TAF12: variants seen among roughly 807,000 people sequenced by gnomAD.
TAF12 encodes the protein TATA-box binding protein associated factor 12.
Under a neutral mutation model 20.8 loss-of-function variants are expected in TAF12, and 3 were observed. That is an observed-to-expected ratio of 0.14 (90% CI 0.07 to 0.37). TAF12 has a LOEUF of 0.37. Among genes scored for constraint, TAF12 ranks in the 10% least tolerant of loss-of-function variants. The probability of loss-of-function intolerance (pLI) is 1.00; values close to 1 mark genes in which losing one functional copy is unlikely to be tolerated. For missense variants in TAF12, 131 were observed against 197.9 expected, an observed-to-expected ratio of 0.66 and a Z score of 2.03; for synonymous variants, 69 against 70.2, an observed-to-expected ratio of 0.98 and a Z score of 0.09.
chr1:28,603,504 A>G lies in TAF12; in HGVS notation c.*35T>C. 6.2e-7 allele frequency: 1 copy of G among 1,612,718 alleles called. No individual in the cohort carries two copies. On this transcript the variant is annotated 3_prime_UTR_variant, in exon 6 of 6. Transcript: ENST00000373824. ...GAGTTCTCAGCTCAAGTATCTCCAAATACATTGCTGTCCATTCCCTGACCT... is the reference window on the plus strand; with the variant it reads ...GAGTTCTCAGCTCAAGTATCTCCAAGTACATTGCTGTCCATTCCCTGACCT...
chr1:28,637,305 T>C (rs1447762980), intron 1 of TAF12, among the ~76,000 whole-genome samples: 1 of 151,934 alleles, frequency 6.6e-6, no homozygotes, highest in African/African-American at 2.4e-5. Context: ...AGTGGCACGA[T>C]CTTGGTTCAC....
chr1:28,644,459 A>C (rs1053851003), upstream of TAF12, among the ~76,000 whole-genome samples: 1 of 152,198 alleles, frequency 6.6e-6, no homozygotes, highest in African/African-American at 2.4e-5. Context: ...ATGCCTATAC[A>C]TCTTTTTTAA....
At chr1:28,639,288 T>C (rs1242814503) in intron 1 of TAF12, among the ~76,000 whole-genome samples, 1 of 151,684 alleles carries the variant, frequency 6.6e-6, no homozygotes, top group African/African-American at 2.4e-5. Context: ...TGGTGGCGCA[T>C]GCCTGTAATC....
chr1:28,631,160 T>C (rs1228610784), intron 1 of TAF12, among the ~76,000 whole-genome samples: 1 of 151,690 alleles, frequency 6.6e-6, no homozygotes, highest in African/African-American at 2.4e-5. Flanking sequence ...GTGCAAAGGC[T>C]TGTGGGGGAG....
chr1:28,604,768 G>C (rs1270399156), intron 5 of TAF12, among the ~76,000 whole-genome samples: 2 of 152,196 alleles, frequency 1.3e-5, no homozygotes, highest in Non-Finnish European at 2.9e-5. Flanking sequence ...CTTAAGTTAA[G>C]ACAGAAAGGA....
chr1:28,627,665 C>CAAA lies in TAF12; in HGVS notation c.-84-5503_-84-5501dup, dbSNP rs61016146. ...CCGAGATCGCGCCACTGCACTCCCT[C>CAAA]AAAAAAAAAAAAAAAAAAAAAACTA... On this transcript the variant is annotated intron_variant, in intron 1 of 5. Transcript: ENST00000373824. 3.4e-3 allele frequency among the ~76,000 whole-genome samples: 347 copies of CAAA among 102,614 alleles called. 2 individuals are homozygous for CAAA. The highest frequency in any genetic ancestry group is 5.0e-3 in the African/African-American group (116 of 23,154). 67.3% of individuals were successfully genotyped at this position (102,614 alleles called of 152,430 possible). A position where few individuals can be genotyped will look rare whatever the true frequency, so the allele number is the denominator to read the frequency against.
chr1:28,619,479 CAG>C (rs1667139710), intron 2 of TAF12, among the ~76,000 whole-genome samples: 1 of 135,966 alleles, frequency 7.4e-6, no homozygotes, highest in Non-Finnish European at 1.6e-5. Flanking sequence ...GCCTGGGCAA[CAG>C]AGTGAGACTC....
intron 3 of TAF12, among the ~76,000 whole-genome samples, chr1:28,616,459 G>A (rs771450985): frequency 4.0e-5 from 6 of 150,348 alleles, no homozygotes; most frequent in Non-Finnish European, 5.9e-5. Context: ...ACCAGCAGGC[G>A]TGATAGCTCA....
Position 28,602,912 on chromosome 1 carries a change from T to C in TAF12, c.*627A>G, listed in dbSNP as rs1220857551. On this transcript the variant is annotated 3_prime_UTR_variant, in exon 6 of 6. Coordinates refer to ENST00000373824, the MANE Select transcript of TAF12 (RefSeq NM_005644.4). ...AGAAGGTCACCCTACTCAATTCTTATGGCCGAGAAGCTGGACTCAAACTCC... is the reference window on the plus strand; with the variant it reads ...AGAAGGTCACCCTACTCAATTCTTACGGCCGAGAAGCTGGACTCAAACTCC... 3 of 152,194 alleles carry C rather than the reference T, an allele frequency of 2.0e-5. No individual in the cohort carries two copies. Among genetic ancestry groups the C allele is most frequent in the Admixed American group, 1.3e-4 (2 of 15,270 alleles). The allele number at this position is 152,194 out of a possible 1,614,324, so 9.4% of individuals were successfully genotyped here. A position where few individuals can be genotyped will look rare whatever the true frequency, so the allele number is the denominator to read the frequency against.
chr1:28,605,304 G>A (rs1666629459), intron 5 of TAF12, 68 bp downstream of exon 5: 1 of 1,527,532 alleles, frequency 6.5e-7, no homozygotes, highest in African/African-American at 1.4e-5. Flanking sequence ...GTAGCTGTGT[G>A]TATCCACTCT....
In TAF12 at chr1:28,635,589, G is replaced by A. The variant is rs192731151; in HGVS notation, c.-85+7403C>T. Among the ~76,000 whole-genome samples, 497 of 150,050 alleles carry A rather than the reference G, an allele frequency of 3.3e-3. 2 individuals are homozygous for A. The highest frequency in any genetic ancestry group is 0.012 in the African/African-American group (475 of 40,848). On this transcript the variant is annotated intron_variant, in intron 1 of 5. Coordinates refer to ENST00000373824, the MANE Select transcript of TAF12 (RefSeq NM_005644.4). ...CAAAGTGCTGGGATTACAGGCATGA[G>A]CCACTGCACCCGGCCTATCCTCCCT...
chr1:28,623,084 T>A (rs1051112040), intron 1 of TAF12, among the ~76,000 whole-genome samples: 1 of 150,978 alleles, frequency 6.6e-6, no homozygotes, highest in Non-Finnish European at 1.5e-5. Context: ...CATGGTAGCA[T>A]GTGGTCCTAG....
intron 1 of TAF12, among the ~76,000 whole-genome samples, chr1:28,642,309 T>C (rs1439573112): frequency 6.6e-6 from 1 of 152,172 alleles, no homozygotes; most frequent in East Asian, 1.9e-4. Flanking sequence ...GGGAATACTG[T>C]GAAAAAATGG....
intron 4 of TAF12, among the ~76,000 whole-genome samples, chr1:28,606,709 TA>T (rs1269786783): frequency 6.6e-6 from 1 of 152,226 alleles, no homozygotes; most frequent in Non-Finnish European, 1.5e-5. Context: ...TTAGTTGTCT[TA>T]ATCCTAAGGC....
At chr1:28,626,499 T>C (rs1402010750) in intron 1 of TAF12, among the ~76,000 whole-genome samples, 2 of 147,854 alleles carry the variant, frequency 1.4e-5, no homozygotes, top group Non-Finnish European at 3.0e-5. Context: ...GAGAATTGCT[T>C]GAACCCAGGA....
Position 28,635,276 on chromosome 1 carries a change from C to CT in TAF12, c.-85+7715dup, listed in dbSNP as rs1179724707. On this transcript the variant is annotated intron_variant, in intron 1 of 5. Transcript: ENST00000373824. Reference sequence around the variant, plus strand: ...AAAAAAACCACATCTATCCTCCCTCCTTTTTTTTTTTTTTTTTTTTTTTTT... The same window carrying CT: ...AAAAAAACCACATCTATCCTCCCTCCTTTTTTTTTTTTTTTTTTTTTTTTTT... Among the ~76,000 whole-genome samples the CT allele has an allele frequency of 6.3e-3, 632 of 100,678 alleles. 54 individuals carry two copies. Among genetic ancestry groups the CT allele is most frequent in the Non-Finnish European group, 7.6e-3 (361 of 47,366 alleles). The allele number at this position is 100,678 out of a possible 152,430, so 66.0% of individuals were successfully genotyped here.
chr1:28,630,535 G>A (rs1433520187), intron 1 of TAF12, among the ~76,000 whole-genome samples: 1 of 151,258 alleles, frequency 6.6e-6, no homozygotes, highest in Non-Finnish European at 1.5e-5. Context: ...CTAGGTGACA[G>A]AGTGAGACGC....
chr1:28,637,680 CTTTTT>C (rs1326752744), intron 1 of TAF12, among the ~76,000 whole-genome samples: 1 of 151,734 alleles, frequency 6.6e-6, no homozygotes, highest in Non-Finnish European at 1.5e-5. Flanking sequence ...AAAAGATTTT[CTTTTT>C]TTTATTTTTG....
At chr1:28,642,748 T>A (rs551603738) in intron 1 of TAF12, 2 of 985,174 alleles carry the variant, frequency 2.0e-6, no homozygotes, top group Non-Finnish European at 2.4e-6. Flanking sequence ...TCAGACCACT[T>A]TCCCTCAGAT....
Sources: gnomAD v4.1 joint callset for allele counts (sites outside exome capture counted in the v4.1 genomes callset) on GRCh38, gnomAD v4.1.1 for gene constraint, MANE v1.5 for transcripts, NCBI Gene and HGNC (gene_info 2026-07-23, HGNC 2026-07-21) for gene names.